DENND5B: variants seen among roughly 807,000 people sequenced by gnomAD.
DENND5B encodes DENN domain-containing protein 5B.
DENND5B carries 34 observed loss-of-function variants against 140.6 expected under a neutral mutation model. The observed-to-expected ratio is 0.24, with a 90% CI of 0.18 to 0.32. DENND5B has a LOEUF of 0.32. DENND5B is among the 10% of genes least tolerant of loss of function. The pLI is 1.00. For missense variants in DENND5B, 1,142 were observed against 1,560.2 expected, an observed-to-expected ratio of 0.73 and a Z score of 4.52; for synonymous variants, 551 against 562.1, an observed-to-expected ratio of 0.98 and a Z score of 0.28.
chr12:31,413,357 C>G (rs1593100310), intron 13 of DENND5B, 79 bp downstream of exon 13: 2 of 1,526,218 alleles, frequency 1.3e-6, no homozygotes, highest in East Asian at 4.6e-5. Flanking sequence ...ACTGAAGAAG[C>G]CAGTTTGTCA....
At chr12:31,420,150 A>G in intron 11 of DENND5B, 1 of 832,018 alleles carries the variant, frequency 1.2e-6, no homozygotes, top group Non-Finnish European at 1.4e-6. Context: ...TTTTGGAGAC[A>G]GGGTCTTGCT....
intron 1 of DENND5B, among the ~76,000 whole-genome samples, chr12:31,574,711 T>A (rs932010165): frequency 2.0e-5 from 3 of 152,218 alleles, no homozygotes; most frequent in Admixed American, 2.0e-4. Context: ...ACTTTAATTA[T>A]TTCCCCATTG....
rs529279452 is a variant in DENND5B at position 31,574,803 on chromosome 12, C to T, written c.127+15903G>A. Among the ~76,000 whole-genome samples the T allele has an allele frequency of 7.2e-5, 11 of 152,284 alleles. No individual in the cohort carries two copies. In the South Asian group the frequency reaches 2.3e-3, roughly 32 times the overall value. ...TCAGTCCTTCACTATGAAGAATATA[C>T]AAGATTTTACATTCTAGTACACACA... is the stretch of plus-strand genomic sequence containing the variant. On this transcript the variant is annotated intron_variant, in intron 1 of 20. Transcript: ENST00000389082.
chr12:31,571,427 G>A (rs1032132769), intron 1 of DENND5B, among the ~76,000 whole-genome samples: 1 of 151,934 alleles, frequency 6.6e-6, no homozygotes, highest in Non-Finnish European at 1.5e-5. Flanking sequence ...AACTGAGTGA[G>A]ATTCAAAGCT....
intron 1 of DENND5B, among the ~76,000 whole-genome samples, chr12:31,567,901 T>C (rs1158038954): frequency 1.3e-5 from 2 of 152,218 alleles, no homozygotes; most frequent in Non-Finnish European, 2.9e-5. Flanking sequence ...GGTCTTGCTT[T>C]GTTGACCAGG....
At chr12:31,485,736 C>CCTCTCTCGCT (rs1555160998) in intron 2 of DENND5B, among the ~76,000 whole-genome samples, 1 of 149,684 alleles carries the variant, frequency 6.7e-6, no homozygotes, top group African/African-American at 2.5e-5. Context: ...GCTTCCATCT[C>CCTCTCTCGCT]CTCTCTCTCT....
intron 13 of DENND5B, among the ~76,000 whole-genome samples, chr12:31,412,742 G>T (rs550588919): frequency 3.3e-5 from 5 of 152,270 alleles, no homozygotes; most frequent in African/African-American, 1.2e-4. Context: ...CCTCCTCACA[G>T]AACTTTATTA....
chr12:31,461,638 A>G (rs565817922), intron 3 of DENND5B, among the ~76,000 whole-genome samples: 3 of 152,346 alleles, frequency 2.0e-5, no homozygotes, highest in South Asian at 2.1e-4. Context: ...AGCAAACCAT[A>G]TATGTCCCAG....
chr12:31,517,738 G>A (rs1207173483), intron 1 of DENND5B, among the ~76,000 whole-genome samples: 1 of 152,196 alleles, frequency 6.6e-6, no homozygotes, highest in Non-Finnish European at 1.5e-5. Context: ...GGTCAGGGAG[G>A]AGAAAGTGAC....
intron 7 of DENND5B, among the ~76,000 whole-genome samples, chr12:31,439,437 T>C (rs553738645): frequency 1.3e-5 from 2 of 152,340 alleles, no homozygotes; most frequent in Non-Finnish European, 2.9e-5. Flanking sequence ...CTACTTTGTT[T>C]TTCTTCATAA....
chr12:31,506,033 C>T (rs1002066683), intron 1 of DENND5B, among the ~76,000 whole-genome samples: 7 of 151,908 alleles, frequency 4.6e-5, no homozygotes, highest in East Asian at 1.9e-4. Flanking sequence ...GGCAGGGTTT[C>T]GCCACACTGC....
intron 1 of DENND5B, among the ~76,000 whole-genome samples, chr12:31,548,663 T>A (rs758291842): frequency 1.3e-4 from 20 of 152,204 alleles, no homozygotes; most frequent in South Asian, 4.1e-4. Flanking sequence ...AAATGTTGTG[T>A]TATACACCAG....
At chr12:31,513,653 G>C (rs1256968838) in intron 1 of DENND5B, among the ~76,000 whole-genome samples, 1 of 152,014 alleles carries the variant, frequency 6.6e-6, no homozygotes, top group Non-Finnish European at 1.5e-5. Flanking sequence ...TGTGTTGTGT[G>C]GCTTCTTTGT....
chr12:31,533,276 A>G (rs1413905092), intron 1 of DENND5B, among the ~76,000 whole-genome samples: 1 of 152,226 alleles, frequency 6.6e-6, no homozygotes, highest in East Asian at 1.9e-4. Context: ...TAAAAAGCCA[A>G]TACAACAACA....
chr12:31,504,038 T>C (rs575620816), intron 1 of DENND5B, among the ~76,000 whole-genome samples: 1 of 152,324 alleles, frequency 6.6e-6, no homozygotes, highest in South Asian at 2.1e-4. Context: ...ATTTCATCCT[T>C]GCCTCTAGAT....
chr12:31,414,385 T>C (rs1052696872), intron 12 of DENND5B, among the ~76,000 whole-genome samples: 1 of 152,336 alleles, frequency 6.6e-6, no homozygotes, highest in East Asian at 1.9e-4. Context: ...TTCTCAGATA[T>C]GTATTTGCTT....
At chr12:31,537,325 G>GA (rs1948537811) in intron 1 of DENND5B, among the ~76,000 whole-genome samples, 1 of 152,194 alleles carries the variant, frequency 6.6e-6, no homozygotes, top group African/African-American at 2.4e-5. Flanking sequence ...GCAGGGGGAT[G>GA]AAGTTAAGGT....
chr12:31,392,127 A>G, intron 19 of DENND5B, 140 bp downstream of exon 19: 1 of 854,924 alleles, frequency 1.2e-6, no homozygotes, highest in South Asian at 2.4e-5. Context: ...CAACAGAGTA[A>G]GATTCCGTCT....
chr12:31,524,943 T>C (rs1948034821), intron 1 of DENND5B, among the ~76,000 whole-genome samples: 1 of 152,058 alleles, frequency 6.6e-6, no homozygotes. Flanking sequence ...ATACACCTCA[T>C]GAGAACATAC....
Sources: gnomAD v4.1 joint callset for allele counts (sites outside exome capture counted in the v4.1 genomes callset) on GRCh38, gnomAD v4.1.1 for gene constraint, MANE v1.5 for transcripts, NCBI Gene and HGNC (gene_info 2026-07-23, HGNC 2026-07-21) for gene names.